Variants in MYO5B observed in about 807,000 individuals in gnomAD.
MYO5B encodes the protein myosin VB.
In MYO5B, 143 loss-of-function variants were observed where a neutral mutation model predicts 229.3. That is an observed-to-expected ratio of 0.62 (90% CI 0.54 to 0.72). The LOEUF (loss-of-function observed/expected upper bound fraction) is 0.72, where lower values mean the gene tolerates loss of function less well. MYO5B is among the 30% of genes least tolerant of loss of function. The pLI, the probability that MYO5B is intolerant of heterozygous loss-of-function variation, is 0.00. For synonymous variants in MYO5B, 918 were observed against 885.2 expected (o/e 1.04, Z -0.66); for missense variants, 2,321 against 2,331.0 (o/e 1.00, Z 0.09).
At chr18:50,165,757 G>T (rs1005353670) in intron 1 of MYO5B, among the ~76,000 whole-genome samples, 1 of 151,790 alleles carries the variant, frequency 6.6e-6, no homozygotes, top group Non-Finnish European at 1.5e-5. Flanking sequence ...GCCTGGGTGC[G>T]ACAGAGCCAG....
intron 1 of MYO5B, among the ~76,000 whole-genome samples, chr18:50,144,502 C>G (rs187196711): frequency 6.6e-6 from 1 of 152,192 alleles, no homozygotes; most frequent in Non-Finnish European, 1.5e-5. Flanking sequence ...CCCCTTCACT[C>G]TCCCATCCAA....
At chr18:50,130,008 G>T (rs1218891108) in intron 1 of MYO5B, among the ~76,000 whole-genome samples, 1 of 152,112 alleles carries the variant, frequency 6.6e-6, no homozygotes, top group Admixed American at 6.5e-5. Context: ...GAGCAGTGCA[G>T]CTCAGAGCTC....
At chr18:50,173,236 G>A (rs2032943993) in intron 1 of MYO5B, among the ~76,000 whole-genome samples, 1 of 151,322 alleles carries the variant, frequency 6.6e-6, no homozygotes, top group Non-Finnish European at 1.5e-5. Context: ...CTGCACTCCA[G>A]CCTGGGCAAC....
At chr18:49,974,782 C>CACACACACACACACACAG (rs1247642679) in intron 9 of MYO5B, among the ~76,000 whole-genome samples, 167 bp from the exon 10 acceptor site, 1 of 119,580 alleles carries the variant, frequency 8.4e-6, no homozygotes, top group African/African-American at 3.2e-5. Context: ...GTCTCTCTCA[C>CACACACACACACACACAG]ACACACACAC....
chr18:49,894,898 C>A, intron 22 of MYO5B, 43 bp downstream of exon 22: 4 of 1,571,746 alleles, frequency 2.5e-6, no homozygotes, highest in Non-Finnish European at 3.5e-6. Context: ...CGTGTGCCCA[C>A]CCACTCTGCT....
intron 30 of MYO5B, 139 bp downstream of exon 30, chr18:49,856,674 A>G: frequency 5.3e-6 from 4 of 760,362 alleles, no homozygotes; most frequent in East Asian, 2.7e-5. Flanking sequence ...CAGATGGTCA[A>G]CCACAGGGGC....
At chr18:49,932,450 T>C (rs1305249342) in intron 16 of MYO5B, among the ~76,000 whole-genome samples, 1 of 152,268 alleles carries the variant, frequency 6.6e-6, no homozygotes, top group South Asian at 2.1e-4. Context: ...TCCCCTCCCT[T>C]TGCCACACCT....
At position 49,902,836 on chromosome 18, in the gene MYO5B, G is replaced by A. The variant is rs2024858047; in HGVS notation, c.2572-3C>T. 6.3e-7 allele frequency: 1 copy of A among 1,599,378 alleles called. No individual in the cohort carries two copies. The stretch of plus-strand genomic sequence containing the variant: ...GTGGCCTTGTGCTCCATGAGGACCT[G>A]GCGGGAAACAAGGATACACATCTTG... On this transcript the variant is annotated splice_polypyrimidine_tract_variant and splice_region_variant and intron_variant, in intron 20 of 39. Transcript: ENST00000285039.
intron 26 of MYO5B, among the ~76,000 whole-genome samples, chr18:49,874,349 G>T (rs2024491923): frequency 2.6e-5 from 4 of 152,218 alleles, no homozygotes; most frequent in Admixed American, 2.6e-4. Flanking sequence ...AGCTGGATAG[G>T]CCAAGAACTT....
intron 21 of MYO5B, among the ~76,000 whole-genome samples, chr18:49,901,762 A>G (rs1395145571): frequency 6.6e-6 from 1 of 152,256 alleles, no homozygotes; most frequent in African/African-American, 2.4e-5. Flanking sequence ...GATGCAGAGC[A>G]TGGGCTCTGG....
intron 1 of MYO5B, among the ~76,000 whole-genome samples, chr18:50,117,049 C>T (rs1417489487): frequency 6.6e-6 from 1 of 152,062 alleles, no homozygotes; most frequent in Non-Finnish European, 1.5e-5. Context: ...AAACATTAAC[C>T]CTATCTTCTT....
chr18:50,050,461 G>A (rs1012964436), intron 2 of MYO5B, among the ~76,000 whole-genome samples: 5 of 152,186 alleles, frequency 3.3e-5, no homozygotes, highest in African/African-American at 1.2e-4. Flanking sequence ...TTGCTATAAT[G>A]TCTTCATATG....
intron 16 of MYO5B, among the ~76,000 whole-genome samples, chr18:49,931,600 C>G (rs2025192734): frequency 1.3e-5 from 2 of 152,162 alleles, no homozygotes. Context: ...GCCTGCTCAC[C>G]CTCTCACTCC....
At chr18:49,840,036 A>C (rs1177575516) in intron 35 of MYO5B, 1 of 153,548 alleles carries the variant, frequency 6.5e-6, no homozygotes, top group Non-Finnish European at 1.4e-5. Context: ...GGATAATTGT[A>C]ATGATGAAGA....
intron 4 of MYO5B, among the ~76,000 whole-genome samples, chr18:50,006,490 T>G (rs548334411): frequency 6.6e-6 from 1 of 151,884 alleles, no homozygotes; most frequent in Non-Finnish European, 1.5e-5. Context: ...CAGACAAGAG[T>G]ACAGGAGCCT....
intron 5 of MYO5B, among the ~76,000 whole-genome samples, chr18:50,000,081 G>A (rs2026029554): frequency 6.6e-6 from 1 of 152,204 alleles, no homozygotes; most frequent in Non-Finnish European, 1.5e-5. Context: ...GAAGGCAGGA[G>A]ATTTTGCCTG....
At chr18:49,887,774 G>A (rs996467113) in intron 22 of MYO5B, among the ~76,000 whole-genome samples, 13 of 152,058 alleles carry the variant, frequency 8.5e-5, no homozygotes, top group Non-Finnish European at 1.3e-4. Flanking sequence ...TCTGCCTCCC[G>A]AGTTCAAGCA....
chr18:49,998,906 T>G lies in MYO5B; in HGVS notation c.612+2349A>C, dbSNP rs547459498. On this transcript the variant is annotated intron_variant, in intron 5 of 39. Transcript: ENST00000285039. ...TTTCTGTTTGGGATGATGAAAAAAT[T>G]CTGGAAATAGATGGCAGTGATGGAT... Among the ~76,000 whole-genome samples the G allele has an allele frequency of 3.3e-5, 5 of 152,268 alleles. No homozygotes were observed. The South Asian group carries it at 1.0e-3, about 32-fold the overall frequency.
chr18:49,892,568 A>G (rs763064247), intron 22 of MYO5B, among the ~76,000 whole-genome samples: 13 of 152,228 alleles, frequency 8.5e-5, no homozygotes, highest in Admixed American at 4.6e-4. Context: ...CTCAAAGCAG[A>G]GCAGGCCCCT....
Sources: allele counts gnomAD v4.1 joint callset (sites outside exome capture counted in the v4.1 genomes callset), GRCh38; gene constraint gnomAD v4.1.1; transcripts MANE v1.5; gene names NCBI Gene and HGNC (gene_info 2026-07-23, HGNC 2026-07-21).